Variants in KDM6A observed in about 807,000 individuals in gnomAD.
The protein encoded by KDM6A is lysine-specific demethylase 6A.
KDM6A carries 11 observed loss-of-function variants against 117.6 expected under a neutral mutation model. The observed-to-expected ratio is 0.09, with a 90% CI of 0.06 to 0.15. The LOEUF (loss-of-function observed/expected upper bound fraction) is 0.15. Among genes scored for constraint, KDM6A ranks in the 10% least tolerant of loss-of-function variants. The pLI is 1.00. For missense variants in KDM6A, 799 were observed against 1,077.3 expected (o/e 0.74, Z 3.62); for synonymous variants, 384 against 396.1 (o/e 0.97, Z 0.36).
At chrX:44,874,516 G>A (rs1297344519) in intron 2 of KDM6A, among the ~76,000 whole-genome samples, 5 of 111,742 alleles carry the variant, frequency 4.5e-5, no homozygotes, top group Non-Finnish European at 9.4e-5. Flanking sequence ...CTGTTGACAT[G>A]TATCTCGATT....
At chrX:45,004,898 T>G (rs1365752112) in intron 4 of KDM6A, among the ~76,000 whole-genome samples, 2 of 110,422 alleles carry the variant, frequency 1.8e-5, no homozygotes, top group East Asian at 5.7e-4. Flanking sequence ...TCGACCCAAG[T>G]GTATAACTGA....
chrX:44,913,120 G>GCTC (rs1351473997), intron 2 of KDM6A, among the ~76,000 whole-genome samples: 1 of 111,371 alleles, frequency 9.0e-6, no homozygotes, highest in African/African-American at 3.3e-5. Context: ...TTCTCTTTCT[G>GCTC]CTCCTCCTCC....
At position 45,057,922 on chromosome X, in the gene KDM6A, TATTA is replaced by T. The variant is rs201068973; in HGVS notation, c.876-1080_876-1077del. Among the ~76,000 whole-genome samples, 941 of 111,327 alleles carry T rather than the reference TATTA, an allele frequency of 8.5e-3. 11 individuals are homozygous for T. The highest frequency in any genetic ancestry group is 0.029 in the African/African-American group (905 of 30,697). ...CAAAATAAGAGAATTACAGCATAAA[TATTA>T]ATTCATTTATTGGAAAAACTTTATG... On this transcript the variant is annotated intron_variant, in intron 10 of 29. Transcript: ENST00000611820.
At chrX:44,886,669 T>G (rs1418564258) in intron 2 of KDM6A, among the ~76,000 whole-genome samples, 1 of 108,325 alleles carries the variant, frequency 9.2e-6, no homozygotes, top group African/African-American at 3.4e-5. Flanking sequence ...TTGTGTATTT[T>G]TAGTAGAGAC....
chrX:44,883,914 C>G (rs2032566294), intron 2 of KDM6A, among the ~76,000 whole-genome samples: 1 of 109,000 alleles, frequency 9.2e-6, no homozygotes, highest in African/African-American at 3.3e-5. Context: ...ACCAGCCTGA[C>G]CAACATGGAT....
In KDM6A at chrX:45,012,197, A is replaced by ATT. The variant is rs760991442; in HGVS notation, c.443+1199_443+1200dup. Among the ~76,000 whole-genome samples, 577 of 69,012 alleles carry ATT rather than the reference A, an allele frequency of 8.4e-3. 15 individuals carry two copies. Among genetic ancestry groups the ATT allele is most frequent in the Non-Finnish European group, 0.013 (490 of 37,586 alleles). 59.9% of individuals were successfully genotyped at this position (69,012 alleles called of 115,157 possible). On this transcript the variant is annotated intron_variant, in intron 5 of 29. Coordinates refer to ENST00000611820, the MANE Select transcript of KDM6A (RefSeq NM_001291415.2). ...TTTATAAAATGTCAACCCAATGTAG[A>ATT]TTTTTTTTTTTTTTTTTTTTTTGGT...
intron 25 of KDM6A, among the ~76,000 whole-genome samples, chrX:45,087,285 A>G (rs949512043): frequency 1.8e-5 from 2 of 113,443 alleles, no homozygotes; most frequent in African/African-American, 6.4e-5. Flanking sequence ...CACCACGCCC[A>G]GCCCCATACT....
intron 3 of KDM6A, among the ~76,000 whole-genome samples, chrX:44,972,671 TATGAC>T (rs781289308): frequency 1.4e-4 from 16 of 111,309 alleles, no homozygotes; most frequent in Admixed American, 7.7e-4. Context: ...AATTAGGACA[TATGAC>T]ATGACCAATA....
chrX:45,098,921 C>T (rs2046221187), intron 27 of KDM6A, among the ~76,000 whole-genome samples: 1 of 111,759 alleles, frequency 8.9e-6, no homozygotes, highest in Admixed American at 9.5e-5. Flanking sequence ...CTGCCCTCCT[C>T]CCCAACTTGT....
intron 28 of KDM6A, among the ~76,000 whole-genome samples, chrX:45,108,358 C>T (rs1029956106): frequency 1.8e-5 from 2 of 111,716 alleles, no homozygotes; most frequent in African/African-American, 6.5e-5. Flanking sequence ...TAATTTATAG[C>T]ACATCTTGAA....
At chrX:44,904,883 C>T (rs1183671536) in intron 2 of KDM6A, among the ~76,000 whole-genome samples, 2 of 112,100 alleles carry the variant, frequency 1.8e-5, no homozygotes, top group Non-Finnish European at 3.8e-5. Context: ...CTTCACTAAA[C>T]GCTTCCAAGA....
intron 2 of KDM6A, among the ~76,000 whole-genome samples, chrX:44,923,459 C>T (rs771613474): frequency 6.9e-5 from 7 of 101,281 alleles, no homozygotes; most frequent in Admixed American, 6.6e-4. Context: ...TTTGCTGTAT[C>T]TCGTTGTGGA....
At chrX:45,071,774 T>TTCTTG (rs750053903) in intron 18 of KDM6A, among the ~76,000 whole-genome samples, 11 of 111,243 alleles carry the variant, frequency 9.9e-5, no homozygotes, top group Non-Finnish European at 1.9e-4. Flanking sequence ...TTCTTGTCTT[T>TTCTTG]TCTTGTCTTT....
intron 4 of KDM6A, among the ~76,000 whole-genome samples, chrX:45,005,994 CA>C (rs1365272715): frequency 1.6e-5 from 1 of 63,021 alleles, no homozygotes; most frequent in African/African-American, 6.5e-5. Flanking sequence ...CACCACCCAC[CA>C]CCCACCACCC....
intron 2 of KDM6A, among the ~76,000 whole-genome samples, chrX:44,928,084 A>G (rs908781679): frequency 8.9e-6 from 1 of 112,385 alleles, no homozygotes; most frequent in African/African-American, 3.2e-5. Context: ...AATGCAAAAC[A>G]TAATTCCTAA....
At chrX:44,898,940 T>G (rs375772825) in intron 2 of KDM6A, among the ~76,000 whole-genome samples, 3,671 of 99,508 alleles carry the variant, frequency 0.037, 226 homozygotes, top group African/African-American at 0.14. Context: ...GTGGTGGTGG[T>G]GGGGGGGTGT....
chrX:45,095,154 G>A (rs1406372920), intron 27 of KDM6A, among the ~76,000 whole-genome samples: 2 of 111,115 alleles, frequency 1.8e-5, no homozygotes, highest in Non-Finnish European at 3.8e-5. Context: ...TCAGTACTTA[G>A]CCAAGCACTG....
intron 2 of KDM6A, among the ~76,000 whole-genome samples, chrX:44,950,485 T>C (rs1275285744): frequency 2.7e-5 from 3 of 112,176 alleles, no homozygotes; most frequent in Admixed American, 1.9e-4. Context: ...ATTCCATCTT[T>C]ACAATGTTAC....
intron 4 of KDM6A, among the ~76,000 whole-genome samples, chrX:45,008,344 A>T (rs2041601675): frequency 9.0e-6 from 1 of 111,355 alleles, no homozygotes; most frequent in African/African-American, 3.3e-5. Context: ...ACTGCACTCC[A>T]GCCTGGGCGA....
Sources: gnomAD v4.1 joint callset for allele counts (sites outside exome capture counted in the v4.1 genomes callset) on GRCh38, gnomAD v4.1.1 for gene constraint, MANE v1.5 for transcripts, NCBI Gene and HGNC (gene_info 2026-07-23, HGNC 2026-07-21) for gene names.